KLHL22: variants seen among roughly 807,000 people sequenced by gnomAD.
KLHL22 encodes the protein kelch-like protein 22.
A neutral mutation model predicts 60.7 loss-of-function variants in KLHL22; 18 were observed. The observed-to-expected ratio is 0.30, with a 90% CI of 0.20 to 0.44. The LOEUF (loss-of-function observed/expected upper bound fraction) is 0.44. Among genes scored for constraint, KLHL22 ranks in the 20% least tolerant of loss-of-function variants. The pLI is 1.00. For missense variants in KLHL22, 596 were observed against 852.3 expected, an observed-to-expected ratio of 0.70 and a Z score of 3.74; for synonymous variants, 355 against 354.5, an observed-to-expected ratio of 1.00 and a Z score of -0.01.
chr22:20,466,777 A>T (rs925742563), intron 3 of KLHL22, among the ~76,000 whole-genome samples: 3 of 152,204 alleles, frequency 2.0e-5, no homozygotes, highest in African/African-American at 7.2e-5. Flanking sequence ...TCCCTGACTC[A>T]GGGTTCTTGA....
intron 3 of KLHL22, among the ~76,000 whole-genome samples, chr22:20,469,393 G>A (rs893606070): frequency 1.3e-5 from 2 of 152,236 alleles, no homozygotes; most frequent in Admixed American, 6.5e-5. Flanking sequence ...CTCCGGGAGA[G>A]TGGCAGGTGT....
chr22:20,444,880 G>A (rs867366932), intron 6 of KLHL22, among the ~76,000 whole-genome samples: 1 of 151,976 alleles, frequency 6.6e-6, no homozygotes, highest in Non-Finnish European at 1.5e-5. Context: ...AACCTCCTGG[G>A]CTCAGTTGAT....
At chr22:20,490,457 T>C (rs528449559) in intron 1 of KLHL22, among the ~76,000 whole-genome samples, 29 of 152,270 alleles carry the variant, frequency 1.9e-4, no homozygotes, top group African/African-American at 6.5e-4. Context: ...CTGTTTTTCC[T>C]CTCCTCTTAT....
intron 6 of KLHL22, among the ~76,000 whole-genome samples, chr22:20,444,568 TC>T (rs1452598167): frequency 6.6e-6 from 1 of 152,132 alleles, no homozygotes; most frequent in African/African-American, 2.4e-5. Context: ...ACTCTGTTAG[TC>T]TGAGAATCAC....
chr22:20,462,107 A>G (rs576792801), intron 4 of KLHL22, among the ~76,000 whole-genome samples: 2 of 151,216 alleles, frequency 1.3e-5, no homozygotes, highest in South Asian at 4.3e-4. Context: ...CTCAAAACAA[A>G]AAAACAAAAA....
chr22:20,491,677 A>C (rs1473390018), intron 1 of KLHL22: 1 of 152,236 alleles, frequency 6.6e-6, no homozygotes, highest in Non-Finnish European at 1.5e-5. Context: ...CGGAAACATC[A>C]CTGTGTGGCA....
At chr22:20,446,763 A>G in intron 5 of KLHL22, 87 bp from the exon 6 acceptor site, 1 of 949,572 alleles carries the variant, frequency 1.1e-6, no homozygotes, top group Non-Finnish European at 1.7e-6. Context: ...ACCACCCCAC[A>G]CCTGCCTGAC....
intron 5 of KLHL22, among the ~76,000 whole-genome samples, chr22:20,452,836 C>T (rs756103070): frequency 3.3e-5 from 5 of 152,198 alleles, no homozygotes; most frequent in Non-Finnish European, 7.3e-5. Flanking sequence ...AGTTCAGCTA[C>T]CTGATTACTG....
In KLHL22 at chr22:20,449,040, T is replaced by TTTTTG. The variant is rs146343607; in HGVS notation, c.1306-2369_1306-2365dup. 2.1e-3 allele frequency among the ~76,000 whole-genome samples: 314 copies of TTTTTG among 151,620 alleles called. 1 individual carries two copies. The highest frequency in any genetic ancestry group is 3.3e-3 in the Non-Finnish European group (226 of 67,822). ...TTTCTTCAACTCTTTTGCCTTCTGT[T>TTTTTG]TTTTGTTTTGTTTTGTTTTGTTTTG... On this transcript the variant is annotated intron_variant, in intron 5 of 6. Transcript: ENST00000328879.
chr22:20,446,827 C>G, intron 5 of KLHL22, 151 bp from the exon 6 acceptor site: 1 of 660,970 alleles, frequency 1.5e-6, no homozygotes, highest in East Asian at 2.7e-5. Flanking sequence ...AATCCTCCCT[C>G]GATTCTCATG....
intron 5 of KLHL22, chr22:20,451,716 G>A: frequency 1.3e-6 from 2 of 1,577,408 alleles, no homozygotes; most frequent in Non-Finnish European, 1.7e-6. Flanking sequence ...GTAAGTCCCT[G>A]CTAAGTAGCA....
intron 5 of KLHL22, among the ~76,000 whole-genome samples, chr22:20,452,419 A>C (rs1376156054): frequency 6.6e-6 from 1 of 152,236 alleles, no homozygotes; most frequent in Non-Finnish European, 1.5e-5. Context: ...GGGTTTGTAT[A>C]TCAGAATTGA....
intron 2 of KLHL22, among the ~76,000 whole-genome samples, chr22:20,477,645 T>C (rs543057767): frequency 1.3e-5 from 2 of 152,284 alleles, no homozygotes; most frequent in Admixed American, 1.3e-4. Context: ...GCATGGATCA[T>C]GAATGGAGGG....
intron 1 of KLHL22, among the ~76,000 whole-genome samples, chr22:20,494,084 C>CA (rs1555915685): frequency 4.5e-4 from 41 of 91,236 alleles, no homozygotes; most frequent in East Asian, 9.9e-4. Context: ...GCCCCCCCCC[C>CA]AAAAAAAAAA....
At chr22:20,483,415 G>C in intron 2 of KLHL22, 2 of 833,064 alleles carry the variant, frequency 2.4e-6, no homozygotes, top group East Asian at 5.0e-5. Context: ...AGTCAACCCA[G>C]AGCTGGCAAT....
chr22:20,474,023 G>A (rs1009605558), intron 2 of KLHL22, among the ~76,000 whole-genome samples: 4 of 151,980 alleles, frequency 2.6e-5, no homozygotes, highest in East Asian at 3.9e-4. Context: ...TTTTTGAGAC[G>A]AAGTCTCACT....
chr22:20,495,309 G>C lies in KLHL22; in HGVS notation c.-34+451C>G, dbSNP rs1050490294. Among the ~76,000 whole-genome samples the C allele has an allele frequency of 6.6e-6, 1 of 152,206 alleles. No homozygotes were observed. The highest frequency in any genetic ancestry group is 2.4e-5 in the African/African-American group (1 of 41,454). ...AGAGCTGGCAAGGCTGGGCTCCTAC[G>C]GCTGCAGTCCCCGGGCCCGATCGAG... On this transcript the variant is annotated intron_variant, in intron 1 of 6. Transcript: ENST00000328879. This position sits in a 1 kb window ranked among gnomAD's most constrained non-coding sequence, Gnocchi z 4.6.
In KLHL22 at chr22:20,476,243, GGTCT is replaced by G. The variant is rs374707047; in HGVS notation, c.228-4732_228-4729del. Among the ~76,000 whole-genome samples, 36 of 152,168 alleles carry G rather than the reference GGTCT, an allele frequency of 2.4e-4. 1 individual carries two copies. Among genetic ancestry groups the G allele is most frequent in the Middle Eastern group, 6.8e-3 (2 of 294 alleles). On this transcript the variant is annotated intron_variant, in intron 2 of 6. Coordinates refer to ENST00000328879, the MANE Select transcript of KLHL22 (RefSeq NM_032775.4). ...GGCACTTTCCCATGCTCTTTACAGT[GGTCT>G]GTCTGGCTCTCCTGGACTTTCCAGG...
chr22:20,459,168 T>A (rs934552881), intron 4 of KLHL22, among the ~76,000 whole-genome samples: 1 of 152,238 alleles, frequency 6.6e-6, no homozygotes, highest in Admixed American at 6.5e-5. Flanking sequence ...AGACAAGTGT[T>A]TTTATTTCTG....
Sources: allele counts gnomAD v4.1 joint callset (sites outside exome capture counted in the v4.1 genomes callset), GRCh38; gene constraint gnomAD v4.1.1; non-coding constraint Gnocchi (gnomAD v3.1); transcripts MANE v1.5; gene names NCBI Gene and HGNC (gene_info 2026-07-23, HGNC 2026-07-21).